The following CAMKMT variants were observed in gnomAD, a reference collection of about 807,000 sequenced individuals.
The protein encoded by CAMKMT is CaM KMT.
Under a neutral mutation model 48.0 loss-of-function variants are expected in CAMKMT, and 53 were observed. That is an observed-to-expected ratio of 1.10 (90% CI 0.89 to 1.39). The LOEUF is 1.39. Among genes scored for constraint, CAMKMT ranks in the 40% most tolerant of loss-of-function variants. The pLI, the probability that CAMKMT is intolerant of heterozygous loss-of-function variation, is 0.00. For synonymous variants in CAMKMT, 165 were observed against 152.3 expected, an observed-to-expected ratio of 1.08 and a Z score of -0.61; for missense variants, 428 against 402.7, an observed-to-expected ratio of 1.06 and a Z score of -0.54.
intron 3 of CAMKMT, among the ~76,000 whole-genome samples, chr2:44,663,879 C>A (rs566664421): frequency 6.6e-6 from 1 of 152,068 alleles, no homozygotes; most frequent in Non-Finnish European, 1.5e-5. Flanking sequence ...TTAACACTTA[C>A]ATTCTTGTGG....
intron 3 of CAMKMT, among the ~76,000 whole-genome samples, chr2:44,656,205 A>G (rs1353024551): frequency 6.6e-6 from 1 of 152,194 alleles, no homozygotes; most frequent in Non-Finnish European, 1.5e-5. Context: ...TGAAGAAAGT[A>G]AGGGAATGTT....
Position 44,436,067 on chromosome 2 carries a change from T to A in CAMKMT, c.376+45762T>A, listed in dbSNP as rs556971810. On this transcript the variant is annotated intron_variant, in intron 3 of 10. Coordinates refer to ENST00000378494, the MANE Select transcript of CAMKMT (RefSeq NM_024766.5). ...GTGCTTAATCTAGGAATCAAACCAA[T>A]TCTTTTTTTCTTTTTTCTTGTTTTT... Among the ~76,000 whole-genome samples the A allele has an allele frequency of 5.9e-3, 889 of 151,700 alleles. 4 individuals are homozygous for A. Among genetic ancestry groups the A allele is most frequent in the Non-Finnish European group, 0.011 (722 of 67,906 alleles).
intron 3 of CAMKMT, among the ~76,000 whole-genome samples, chr2:44,478,141 T>C (rs1253713432): frequency 6.6e-6 from 1 of 152,242 alleles, no homozygotes; most frequent in African/African-American, 2.4e-5. Context: ...CTAATTTTTT[T>C]CTAAAGAAAC....
At chr2:44,511,689 A>T (rs1348403167) in intron 3 of CAMKMT, among the ~76,000 whole-genome samples, 1 of 152,114 alleles carries the variant, frequency 6.6e-6, no homozygotes, top group East Asian at 1.9e-4. Context: ...AGGTACTTCA[A>T]CTGAGGGCTG....
intron 3 of CAMKMT, among the ~76,000 whole-genome samples, chr2:44,492,004 C>T (rs1013588045): frequency 1.3e-5 from 2 of 152,036 alleles, no homozygotes; most frequent in African/African-American, 4.8e-5. Flanking sequence ...AAATGTGAAG[C>T]ACTGGTTAGG....
chr2:44,688,706 C>T (rs1348800941), intron 3 of CAMKMT, among the ~76,000 whole-genome samples: 1 of 152,078 alleles, frequency 6.6e-6, no homozygotes, highest in East Asian at 1.9e-4. Flanking sequence ...GGCAGTTCTC[C>T]TCCTTCCCCC....
intron 3 of CAMKMT, among the ~76,000 whole-genome samples, chr2:44,553,637 A>G (rs949306689): frequency 1.3e-5 from 2 of 152,210 alleles, no homozygotes; most frequent in African/African-American, 4.8e-5. Context: ...CTAGAATTAC[A>G]GTTGTGAGAC....
intron 3 of CAMKMT, among the ~76,000 whole-genome samples, chr2:44,534,111 A>G (rs1182739876): frequency 6.6e-6 from 1 of 152,200 alleles, no homozygotes; most frequent in African/African-American, 2.4e-5. Flanking sequence ...AAGTCAAAAC[A>G]GTAAAAAGAC....
chr2:44,756,482 T>C, intron 9 of CAMKMT, among the ~76,000 whole-genome samples: 1 of 151,954 alleles, frequency 6.6e-6, no homozygotes, highest in Non-Finnish European at 1.5e-5. Context: ...TGGCTCACAC[T>C]TGTAATCCCA....
intron 9 of CAMKMT, among the ~76,000 whole-genome samples, chr2:44,765,826 G>A (rs1680819550): frequency 6.6e-6 from 1 of 152,200 alleles, no homozygotes; most frequent in Non-Finnish European, 1.5e-5. Flanking sequence ...TGACCATCAT[G>A]AGGGATTCAA....
At chr2:44,476,385 A>G (rs1169666397) in intron 3 of CAMKMT, among the ~76,000 whole-genome samples, 1 of 152,162 alleles carries the variant, frequency 6.6e-6, no homozygotes, top group Non-Finnish European at 1.5e-5. Context: ...AGTATAACAT[A>G]TTCTTAAAAT....
At chr2:44,736,618 C>T (rs975629233) in intron 7 of CAMKMT, among the ~76,000 whole-genome samples, 2 of 152,146 alleles carry the variant, frequency 1.3e-5, no homozygotes, top group African/African-American at 4.8e-5. Flanking sequence ...TCTCCCTTCT[C>T]CTATTTTTTG....
At chr2:44,646,699 T>C (rs890845896) in intron 3 of CAMKMT, among the ~76,000 whole-genome samples, 3 of 152,144 alleles carry the variant, frequency 2.0e-5, no homozygotes, top group Non-Finnish European at 4.4e-5. Flanking sequence ...TAATCTTACA[T>C]TGATTATAAT....
chr2:44,570,354 T>C (rs1668840629), intron 3 of CAMKMT, among the ~76,000 whole-genome samples: 1 of 152,200 alleles, frequency 6.6e-6, no homozygotes, highest in Non-Finnish European at 1.5e-5. Context: ...GAATGATAGA[T>C]GAATAAATCT....
In CAMKMT at chr2:44,572,124, C is replaced by T. The variant is rs533534768; in HGVS notation, c.377-132159C>T. Among the ~76,000 whole-genome samples the T allele has an allele frequency of 1.8e-4, 28 of 152,300 alleles. No homozygotes were observed. In the South Asian group the frequency reaches 5.2e-3, roughly 28 times the overall value. On this transcript the variant is annotated intron_variant, in intron 3 of 10. Transcript: ENST00000378494. ...TTCATCTCCCCAGACTGAGACTGTA[C>T]CCATTAAGCAGTAATTCTACAATCT...
chr2:44,404,453 A>C (rs6650794), intron 3 of CAMKMT, among the ~76,000 whole-genome samples: 2,901 of 152,102 alleles, frequency 0.019, 105 homozygotes, highest in African/African-American at 0.067. Context: ...TCCCCTCCAG[A>C]TATCTTTTGC....
At chr2:44,593,582 T>A (rs1670451816) in intron 3 of CAMKMT, among the ~76,000 whole-genome samples, 1 of 152,192 alleles carries the variant, frequency 6.6e-6, no homozygotes, top group Non-Finnish European at 1.5e-5. Flanking sequence ...ACCTCATTTG[T>A]ATTCTGTCTC....
At chr2:44,550,740 A>G (rs1012509406) in intron 3 of CAMKMT, 2 of 152,198 alleles carry the variant, frequency 1.3e-5, no homozygotes, top group African/African-American at 4.8e-5. Flanking sequence ...AAATTCTGTC[A>G]CTTCCTCTTT....
intron 8 of CAMKMT, among the ~76,000 whole-genome samples, chr2:44,747,169 C>A (rs899157135): frequency 2.0e-5 from 3 of 152,212 alleles, no homozygotes; most frequent in African/African-American, 7.2e-5. Flanking sequence ...GCAACCCACC[C>A]CGATTGCTCT....
Sources: allele counts gnomAD v4.1 joint callset (sites outside exome capture counted in the v4.1 genomes callset), GRCh38; gene constraint gnomAD v4.1.1; transcripts MANE v1.5; gene names NCBI Gene and HGNC (gene_info 2026-07-23, HGNC 2026-07-21).